The following MAGI2 variants were observed in gnomAD, a reference collection of about 807,000 sequenced individuals.
MAGI2 encodes membrane associated guanylate kinase, WW and PDZ domain containing 2, also known as membrane-associated guanylate kinase, WW and PDZ domain-containing protein 2.
Under a neutral mutation model 133.3 loss-of-function variants are expected in MAGI2, and 35 were observed. The ratio of observed to expected loss-of-function variants is 0.26; its 90% CI spans 0.20 to 0.35. MAGI2 has a LOEUF of 0.35. MAGI2 is among the 10% of genes least tolerant of loss of function. MAGI2 has a pLI of 1.00. For missense variants in MAGI2, 1,636 were observed against 1,863.4 expected (o/e 0.88, Z 2.25); for synonymous variants, 729 against 710.6 (o/e 1.03, Z -0.41).
chr7:78,303,965 A>G (rs953974465), intron 9 of MAGI2, among the ~76,000 whole-genome samples: 2 of 152,008 alleles, frequency 1.3e-5, no homozygotes, highest in Non-Finnish European at 2.9e-5. Context: ...CCCACTCCCC[A>G]CCAAGCTATT....
intron 3 of MAGI2, among the ~76,000 whole-genome samples, chr7:78,569,085 G>A (rs1305959706): frequency 6.6e-6 from 1 of 151,568 alleles, no homozygotes; most frequent in African/African-American, 2.4e-5. Context: ...ACCATGCACC[G>A]TGACCACAGT....
chr7:79,025,281 T>C (rs1809766484), intron 1 of MAGI2, among the ~76,000 whole-genome samples: 3 of 152,254 alleles, frequency 2.0e-5, no homozygotes, highest in South Asian at 4.1e-4. Flanking sequence ...TTTTCTCATG[T>C]ATAAGTGGAG....
chr7:79,385,983 A>C (rs1015679007), intron 1 of MAGI2, among the ~76,000 whole-genome samples: 6 of 151,984 alleles, frequency 3.9e-5, no homozygotes, highest in Non-Finnish European at 8.8e-5. Context: ...TTTAAAAGAC[A>C]CTTTATCATC....
At chr7:78,667,330 G>A (rs563753485) in intron 2 of MAGI2, among the ~76,000 whole-genome samples, 1 of 148,438 alleles carries the variant, frequency 6.7e-6, no homozygotes, top group South Asian at 2.1e-4. Flanking sequence ...AACAAAGCGT[G>A]CAGTATTGTA....
At chr7:79,377,332 T>A (rs1843448164) in intron 1 of MAGI2, among the ~76,000 whole-genome samples, 3 of 151,742 alleles carry the variant, frequency 2.0e-5, no homozygotes. Flanking sequence ...AGCCTCCAGC[T>A]CAAACTACAC....
At chr7:78,134,030 G>A (rs532894011) in intron 17 of MAGI2, 1 of 152,148 alleles carries the variant, frequency 6.6e-6, no homozygotes, top group South Asian at 2.1e-4. Flanking sequence ...GTGGACGGCT[G>A]TCCTGTGCAT....
chr7:78,956,483 G>A (rs1802390582), intron 2 of MAGI2, among the ~76,000 whole-genome samples: 1 of 152,068 alleles, frequency 6.6e-6, no homozygotes, highest in Admixed American at 6.6e-5. Context: ...GTTACTGTGG[G>A]AAAATAATCA....
In MAGI2 at chr7:78,173,456, G is replaced by T. The variant is rs148758978; in HGVS notation, c.2403+4555C>A. Among the ~76,000 whole-genome samples the T allele has an allele frequency of 6.6e-3, 1,003 of 152,304 alleles. 7 individuals are homozygous for T. Among genetic ancestry groups the T allele is most frequent in the African/African-American group, 0.023 (949 of 41,572 alleles). On this transcript the variant is annotated intron_variant, in intron 14 of 21. Transcript: ENST00000354212. The stretch of plus-strand genomic sequence containing the variant: ...TTGAAGATAATATCTACAGAATGGG[G>T]TGCTGGCTTCCCCCCAAAGCAGACA...
chr7:79,317,669 C>T (rs1398352277), intron 1 of MAGI2, among the ~76,000 whole-genome samples: 1 of 152,140 alleles, frequency 6.6e-6, no homozygotes, highest in Non-Finnish European at 1.5e-5. Context: ...CAGCCCAATT[C>T]ACGCAAGCTA....
At chr7:79,239,489 G>A (rs1053019020) in intron 1 of MAGI2, among the ~76,000 whole-genome samples, 10 of 152,050 alleles carry the variant, frequency 6.6e-5, no homozygotes, top group Non-Finnish European at 1.2e-4. Flanking sequence ...TTTACCGACC[G>A]TAATACACCC....
At chr7:78,401,562 T>C (rs1459695688) in intron 6 of MAGI2, among the ~76,000 whole-genome samples, 2 of 152,138 alleles carry the variant, frequency 1.3e-5, no homozygotes, top group Admixed American at 6.6e-5. Flanking sequence ...TTCTATGCTT[T>C]ATTCCCGTTA....
intron 1 of MAGI2, among the ~76,000 whole-genome samples, chr7:79,156,527 T>C (rs1304058834): frequency 6.6e-6 from 1 of 152,154 alleles, no homozygotes; most frequent in Non-Finnish European, 1.5e-5. Context: ...ATTTCCTTTC[T>C]TTTGATCCCA....
chr7:79,274,946 G>A (rs1835130984), intron 1 of MAGI2, among the ~76,000 whole-genome samples: 1 of 152,088 alleles, frequency 6.6e-6, no homozygotes, highest in East Asian at 1.9e-4. Flanking sequence ...GAACCTAATC[G>A]ATAAATGCTG....
chr7:78,836,987 T>G (rs1791684019), intron 2 of MAGI2, among the ~76,000 whole-genome samples: 1 of 152,240 alleles, frequency 6.6e-6, no homozygotes. Context: ...ATTCTTGCTG[T>G]GGTGAATTAT....
intron 9 of MAGI2, among the ~76,000 whole-genome samples, chr7:78,316,973 A>G (rs1253062136): frequency 6.6e-6 from 1 of 152,190 alleles, no homozygotes; most frequent in South Asian, 2.1e-4. Context: ...CACAGTTAAC[A>G]CATCTTAAAC....
At chr7:78,522,437 G>A (rs1389372945) in intron 3 of MAGI2, among the ~76,000 whole-genome samples, 2 of 152,246 alleles carry the variant, frequency 1.3e-5, no homozygotes, top group East Asian at 3.9e-4. Context: ...GGAGGGCAAT[G>A]GTGCAATCTT....
chr7:78,274,069 G>C (rs2150993042), intron 9 of MAGI2, among the ~76,000 whole-genome samples: 1 of 152,222 alleles, frequency 6.6e-6, no homozygotes, highest in Non-Finnish European at 1.5e-5. Context: ...CCATCTTTGT[G>C]GATTTATCTA....
chr7:78,276,389 C>A (rs560012811), intron 9 of MAGI2, among the ~76,000 whole-genome samples: 2 of 152,176 alleles, frequency 1.3e-5, no homozygotes, highest in African/African-American at 2.4e-5. Context: ...ACTACACATG[C>A]AATTATCATT....
At chr7:78,036,300 T>C (rs560303223) in intron 21 of MAGI2, among the ~76,000 whole-genome samples, 1 of 152,312 alleles carries the variant, frequency 6.6e-6, no homozygotes, top group South Asian at 2.1e-4. Flanking sequence ...ATAAGTGATA[T>C]AATATCTATC....
Sources: allele counts gnomAD v4.1 joint callset (sites outside exome capture counted in the v4.1 genomes callset), GRCh38; gene constraint gnomAD v4.1.1; transcripts MANE v1.5; gene names NCBI Gene and HGNC (gene_info 2026-07-23, HGNC 2026-07-21).